Variants in DHRS1 observed in about 807,000 individuals in gnomAD.
DHRS1 encodes dehydrogenase/reductase SDR family member 1.
A neutral mutation model predicts 35.2 loss-of-function variants in DHRS1; 34 were observed. That is an observed-to-expected ratio of 0.97 (90% CI 0.74 to 1.29). DHRS1 has a LOEUF of 1.29. Among genes scored for constraint, DHRS1 ranks in the 50% most tolerant of loss-of-function variants. DHRS1 has a pLI of 0.00. For synonymous variants in DHRS1, 133 were observed against 160.0 expected (o/e 0.83, Z 1.27); for missense variants, 354 against 403.6 (o/e 0.88, Z 1.05).
chr14:24,298,814 G>A, intron 2 of DHRS1, 143 bp downstream of exon 2: 1 of 1,072,852 alleles, frequency 9.3e-7, no homozygotes, highest in Non-Finnish European at 1.2e-6. Context: ...TATTTACGGG[G>A]TTTTTAATTT....
chr14:24,291,568 C>T lies in DHRS1; in HGVS notation c.712G>A (p.Ala238Thr). 6.2e-7 allele frequency: 1 copy of T among 1,614,234 alleles called. No homozygotes were observed. The highest frequency in any genetic ancestry group is 8.5e-7 in the Non-Finnish European group (1 of 1,180,038). Residue 238 changes from alanine (A) to threonine (T), a missense_variant, in exon 7 of 9, where the codon GCT becomes ACT. By Grantham distance (58) the Ala-to-Thr change is moderately conservative. Coordinates refer to ENST00000288111, the MANE Select transcript of DHRS1 (RefSeq NM_001136050.3). ...CCCCAAACTTCACCTGTTGCCAAAG[C>T]CACCACACATTTGCCACTCAATTCT... ...TTELSGKCVV[A>T]LATDPNILSL...
chr14:24,295,369 T>A (rs2041232102), intron 4 of DHRS1, among the ~76,000 whole-genome samples: 2 of 152,212 alleles, frequency 1.3e-5, no homozygotes, highest in Admixed American at 1.3e-4. Context: ...TTCTTTTGCA[T>A]AGGGAAAGAA....
chr14:24,296,378 A>G, intron 4 of DHRS1, 131 bp downstream of exon 4: 1 of 870,148 alleles, frequency 1.1e-6, no homozygotes, highest in Non-Finnish European at 1.9e-6. Context: ...AAGTGGGACA[A>G]ATGGAATGGA....
Position 24,296,550 on chromosome 14 carries a change from G to A in DHRS1, c.333C>T (p.Thr111=). Residue 111 remains threonine (T), a synonymous_variant, in exon 4 of 9, where the codon ACC becomes ACT. Coordinates refer to ENST00000288111, the MANE Select transcript of DHRS1 (RefSeq NM_001136050.3). ...LNTRNKAFWE[T]PASMWDDINN... Reference sequence around the variant, plus strand: ...TGATATCATCCCACATGGAGGCAGGGGTTTCCCAGAATGCCTTATTCCTGG... The same window carrying A: ...TGATATCATCCCACATGGAGGCAGGAGTTTCCCAGAATGCCTTATTCCTGG... 2 of 1,614,174 alleles carry A rather than the reference G, an allele frequency of 1.2e-6. No homozygotes were observed. The highest frequency in any genetic ancestry group is 1.7e-4 in the Middle Eastern group (1 of 6,060).
rs139770664 is a variant in DHRS1 at position 24,292,285 on chromosome 14, C to T, written c.553G>A (p.Gly185Arg). The T allele has an allele frequency of 6.4e-5, 104 of 1,614,052 alleles. No individual in the cohort carries two copies. Among genetic ancestry groups the T allele is most frequent in the Non-Finnish European group, 8.5e-5 (100 of 1,180,032 alleles). ...GGCCACAGAGACACACAGCTGACCCCATGGCGCCGCAGCTCGTGGGCACAG... is the reference window on the plus strand; with the variant it reads ...GGCCACAGAGACACACAGCTGACCCTATGGCGCCGCAGCTCGTGGGCACAG... The part of the protein sequence containing the change: ...ADCAHELRRH[G>R]VSCVSLWPGI... The change falls in exon 6 of 9, where the codon GGG becomes AGG. Residue 185 changes from glycine (G) to arginine (R), a missense_variant. Gly to Arg is a moderately radical substitution (Grantham distance 125). Coordinates refer to ENST00000288111, the MANE Select transcript of DHRS1 (RefSeq NM_001136050.3).
chr14:24,291,451 T>C (rs1054052576), intron 7 of DHRS1, 105 bp downstream of exon 7: 2 of 1,288,410 alleles, frequency 1.6e-6, no homozygotes, highest in Non-Finnish European at 2.3e-6. Context: ...GAGAAAAGAA[T>C]GACATGTTCC....
In DHRS1 at chr14:24,291,274, A is replaced by G. The variant is rs538086205; in HGVS notation, c.725-55T>C. The G allele has an allele frequency of 8.4e-5, 133 of 1,579,942 alleles. 3 individuals are homozygous for G. The South Asian group carries it at 1.3e-3, about 16-fold the overall frequency. On this transcript the variant is annotated intron_variant, in intron 7 of 8. Transcript: ENST00000288111. ...AGGCAGGGGAGTATGCAGAGTGACA[A>G]GGTTTGGGCCCAGTTGGACAGGGCA... is the stretch of plus-strand genomic sequence containing the variant.
chr14:24,299,048 CCAATACCCCTG>C lies in DHRS1; in HGVS notation c.48_58del (p.Arg17ProfsTer50). The C allele has an allele frequency of 6.2e-7, 1 of 1,614,104 alleles. No homozygotes were observed. The highest frequency in any genetic ancestry group is 1.1e-5 in the South Asian group (1 of 91,072). On this transcript the variant is annotated frameshift_variant, in exon 2 of 9. Transcript: ENST00000288111. LOFTEE classifies it high-confidence loss of function. ...GCAGAGCTGCAAGGCAATGCCACGG[CCAATACCCCTG>C]GAGGCACCAGTCACCACACACACTT... is the stretch of plus-strand genomic sequence containing the variant.
chr14:24,292,422 C>G (rs1594603694), intron 5 of DHRS1, 92 bp from the exon 6 acceptor site: 2 of 1,555,612 alleles, frequency 1.3e-6, no homozygotes, highest in Non-Finnish European at 1.7e-6. Context: ...GCTCCACCCA[C>G]CCTGTCCTTC....
chr14:24,298,956 C>G lies in DHRS1; in HGVS notation c.150+1G>C, dbSNP rs764749437. 1.2e-6 allele frequency: 2 copies of G among 1,605,068 alleles called. No individual in the cohort carries two copies. Among genetic ancestry groups the G allele is most frequent in the Non-Finnish European group, 1.7e-6 (2 of 1,172,724 alleles). On this transcript the variant is annotated splice_donor_variant, in intron 2 of 8. Coordinates refer to ENST00000288111, the MANE Select transcript of DHRS1 (RefSeq NM_001136050.3). LOFTEE classifies it high-confidence loss of function. ...ACTGTGGTCCCAGAGGAAGCACTCA[C>G]CTCCTGAGCAACAACGCGAAGGGTG...
chr14:24,297,659 G>A (rs1405603256), intron 2 of DHRS1, among the ~76,000 whole-genome samples: 1 of 152,052 alleles, frequency 6.6e-6, no homozygotes, highest in Non-Finnish European at 1.5e-5. Flanking sequence ...TCTCTTAGAG[G>A]ATGAAGCCTG....
chr14:24,295,133 A>G (rs2041227943), intron 4 of DHRS1, among the ~76,000 whole-genome samples: 1 of 152,248 alleles, frequency 6.6e-6, no homozygotes, highest in Non-Finnish European at 1.5e-5. Flanking sequence ...GATTAGAGAA[A>G]TAAATGATCA....
At chr14:24,291,502 C>G in intron 7 of DHRS1, 54 bp downstream of exon 7, 1 of 1,563,992 alleles carries the variant, frequency 6.4e-7, no homozygotes, top group Non-Finnish European at 8.8e-7. Context: ...TGGATGCTAC[C>G]GCACTACACA....
chr14:24,297,869 C>T (rs1353374894), intron 2 of DHRS1, among the ~76,000 whole-genome samples: 1 of 152,178 alleles, frequency 6.6e-6, no homozygotes, highest in Non-Finnish European at 1.5e-5. Context: ...CCACCTACCT[C>T]CTCCAGGACG....
intron 4 of DHRS1, among the ~76,000 whole-genome samples, chr14:24,294,917 G>A (rs2041222646): frequency 6.6e-6 from 1 of 152,184 alleles, no homozygotes. Flanking sequence ...TAGAGGACAT[G>A]GGGAAACACA....
intron 6 of DHRS1, 127 bp from the exon 7 acceptor site, chr14:24,291,752 G>C: frequency 1.0e-6 from 1 of 988,106 alleles, no homozygotes; most frequent in Non-Finnish European, 1.6e-6. Flanking sequence ...CCTCAAGCAG[G>C]GCCTGTAGGA....
At chr14:24,296,426 G>A (rs1315402075) in intron 4 of DHRS1, 83 bp downstream of exon 4, 10 of 1,329,716 alleles carry the variant, frequency 7.5e-6, no homozygotes, top group Non-Finnish European at 1.1e-5. Flanking sequence ...GGAGGGAAAA[G>A]GAGAGGGCAT....
intron 4 of DHRS1, chr14:24,294,017 C>A (rs1323239049): frequency 6.6e-6 from 1 of 152,046 alleles, no homozygotes; most frequent in Non-Finnish European, 1.5e-5. Context: ...TTTGGGACAA[C>A]CGACCAGTTA....
intron 4 of DHRS1, 120 bp downstream of exon 4, chr14:24,296,389 A>T (rs757283177): frequency 1.1e-6 from 1 of 946,308 alleles, no homozygotes; most frequent in South Asian, 1.4e-5. Context: ...ATGGAATGGA[A>T]GGGAGAAGAA....
Sources: gnomAD v4.1 joint callset for allele counts (sites outside exome capture counted in the v4.1 genomes callset) on GRCh38, gnomAD v4.1.1 for gene constraint, MANE v1.5 for transcripts, NCBI Gene and HGNC (gene_info 2026-07-23, HGNC 2026-07-21) for gene names.